Variants in MMP17 observed in about 807,000 individuals in gnomAD.
MMP17 encodes the protein matrix metallopeptidase 17, also known as matrix metalloproteinase-17.
A neutral mutation model predicts 49.1 loss-of-function variants in MMP17; 54 were observed. The observed-to-expected ratio is 1.10, with a 90% CI of 0.88 to 1.38. The LOEUF is 1.38. Among genes scored for constraint, MMP17 ranks in the 40% most tolerant of loss-of-function variants. The pLI, the probability that MMP17 is intolerant of heterozygous loss-of-function variation, is 0.00. For missense variants in MMP17, 837 were observed against 853.7 expected (o/e 0.98, Z 0.24); for synonymous variants, 397 against 383.1 (o/e 1.04, Z -0.42).
At position 131,828,601 on chromosome 12, in the gene MMP17, G is replaced by A. The variant is rs1163300793; in HGVS notation, c.107G>A (p.Gly36Asp). Residue 36 changes from glycine to aspartate, a missense_variant, in exon 1 of 10, where the codon GGC (glycine) becomes GAC (aspartate). Physicochemically the swap from Gly to Asp is moderately conservative, Grantham distance 94. Coordinates refer to ENST00000360564, the MANE Select transcript of MMP17 (RefSeq NM_016155.7). ...CTGCTGGCGCTGGGGACCCGCGGGG[G>A]CTGCGCCGCGCCCGCACCCGCGCCG... The part of the protein sequence containing the change: ...LLLLALGTRG[G>D]CAAPAPAPRA... 2 of 919,942 alleles carry A rather than the reference G, an allele frequency of 2.2e-6. No individual in the cohort carries two copies. Among genetic ancestry groups the A allele is most frequent in the Admixed American group, 5.5e-5 (1 of 18,110 alleles). The allele number at this position is 919,942 out of a possible 1,614,324, so 57.0% of individuals were successfully genotyped here.
In MMP17 at chr12:131,845,376, C is replaced by G. The variant is rs767592241; in HGVS notation, c.1131C>G (p.Gly377=). 1 of 1,597,382 alleles carries G rather than the reference C, an allele frequency of 6.3e-7. No homozygotes were observed. Among genetic ancestry groups the G allele is most frequent in the African/African-American group, 1.3e-5 (1 of 74,938 alleles). ...QPAQMHRFWR[G]LPLHLDSVDA... ...CACAGATGCACCGCTTCTGGCGGGG[C>G]CTGCCGCTGCACCTGGACAGCGTGG... The change falls in exon 8 of 10, where the codon GGC becomes GGG. Residue 377 remains glycine, a synonymous_variant. Transcript: ENST00000360564.
chr12:131,834,454 C>T (rs964875623), intron 1 of MMP17, among the ~76,000 whole-genome samples: 11 of 152,164 alleles, frequency 7.2e-5, no homozygotes, highest in Non-Finnish European at 1.6e-4. Context: ...GGGCAGGTAG[C>T]AGGTTCCCAG....
chr12:131,850,948 CAGG>C lies in MMP17; in HGVS notation c.1489_1491del (p.Glu497del). ...AGGTGCCTCCTACTTCTTCCGTGGC[CAGG>C]AGTACTGGAAAGTGCTGGATGGCGA... is the stretch of plus-strand genomic sequence containing the variant. On this transcript the variant is annotated inframe_deletion, in exon 10 of 10. Transcript: ENST00000360564. The C allele has an allele frequency of 6.7e-7, 1 of 1,497,858 alleles. No individual in the cohort carries two copies. Among genetic ancestry groups the C allele is most frequent in the Non-Finnish European group, 8.9e-7 (1 of 1,123,224 alleles). The allele number at this position is 1,497,858 out of a possible 1,614,324, so 92.8% of individuals were successfully genotyped here. A position where few individuals can be genotyped will look rare whatever the true frequency, so the allele number is the denominator to read the frequency against.
chr12:131,839,215 C>T (rs929839138), intron 3 of MMP17, among the ~76,000 whole-genome samples: 1 of 152,166 alleles, frequency 6.6e-6, no homozygotes, highest in African/African-American at 2.4e-5. Context: ...CCGCGCGCAG[C>T]CTCCTCTCCC....
intron 8 of MMP17, among the ~76,000 whole-genome samples, chr12:131,847,720 G>C (rs769751475): frequency 6.6e-6 from 1 of 152,264 alleles, no homozygotes; most frequent in Non-Finnish European, 1.5e-5. Context: ...GCCCCGAGCC[G>C]CCCTGCCTGG....
intron 1 of MMP17, among the ~76,000 whole-genome samples, chr12:131,837,254 G>A (rs932786660): frequency 1.3e-5 from 2 of 152,218 alleles, no homozygotes; most frequent in African/African-American, 4.8e-5. Flanking sequence ...CAGCGGGGAG[G>A]TGGCTGAGTG....
rs553526789 is a variant in MMP17 at position 131,851,171 on chromosome 12, C to T, written c.1709C>T (p.Pro570Leu). Residue 570 changes from proline to leucine, a missense_variant, in exon 10 of 10, where the codon CCC becomes CTC. Transcript: ENST00000360564. ...TCATGCACCTCTGGGGCATCCTCTC[C>T]CCCGGGGGCCCCAGGCCCACTGGTG... ...VCSCTSGASS[P>L]PGAPGPLVAA... is the part of the protein sequence containing the mutation. 2 of 1,485,688 alleles carry T rather than the reference C, an allele frequency of 1.3e-6. No individual in the cohort carries two copies. The highest frequency in any genetic ancestry group is 1.8e-6 in the Non-Finnish European group (2 of 1,114,672). 92.0% of individuals were successfully genotyped at this position (1,485,688 alleles called of 1,614,324 possible). A position where few individuals can be genotyped will look rare whatever the true frequency, so the allele number is the denominator to read the frequency against.
chr12:131,834,201 A>G (rs1394752520), intron 1 of MMP17, among the ~76,000 whole-genome samples: 1 of 152,182 alleles, frequency 6.6e-6, no homozygotes, highest in Non-Finnish European at 1.5e-5. Context: ...TCTCCTAGGC[A>G]GCTCCAGAAA....
intron 1 of MMP17, among the ~76,000 whole-genome samples, chr12:131,830,437 CG>C (rs1374302113): frequency 6.6e-6 from 1 of 152,250 alleles, no homozygotes; most frequent in East Asian, 1.9e-4. Flanking sequence ...AGCCCCGCTC[CG>C]TGTCGGGCCC....
Position 131,851,463 on chromosome 12 carries a change from C to T in MMP17, c.*189C>T. On this transcript the variant is annotated 3_prime_UTR_variant, in exon 10 of 10. Coordinates refer to ENST00000360564, the MANE Select transcript of MMP17 (RefSeq NM_016155.7). Reference sequence around the variant, plus strand: ...GCTCAGGTGGCAAGGACGGAGCTGTCCCCTAGTGAGGGACTGTGTTGACTG... The same window carrying T: ...GCTCAGGTGGCAAGGACGGAGCTGTTCCCTAGTGAGGGACTGTGTTGACTG... 6.5e-6 allele frequency: 3 copies of T among 459,360 alleles called. No homozygotes were observed. The highest frequency in any genetic ancestry group is 4.3e-5 in the Admixed American group (1 of 23,030). The allele number at this position is 459,360 out of a possible 1,614,324, so 28.5% of individuals were successfully genotyped here.
chr12:131,850,198 G>A (rs573018067), intron 9 of MMP17, 139 bp downstream of exon 9: 32 of 1,207,280 alleles, frequency 2.7e-5, no homozygotes, highest in African/African-American at 6.1e-5. Context: ...CCAGCCCCTC[G>A]CCTGGAGCTG....
At chr12:131,838,394 C>T in intron 2 of MMP17, 67 bp downstream of exon 2, 2 of 1,574,886 alleles carry the variant, frequency 1.3e-6, no homozygotes, top group Non-Finnish European at 1.7e-6. Context: ...CGGCCATGCC[C>T]CCTCTGATCA....
chr12:131,849,644 C>T (rs1189167466), intron 8 of MMP17, among the ~76,000 whole-genome samples, 158 bp from the exon 9 acceptor site: 1 of 152,112 alleles, frequency 6.6e-6, no homozygotes, highest in South Asian at 2.1e-4. Flanking sequence ...CCATGTGGCC[C>T]CTGTGATGTG....
rs754199828 is a variant in MMP17, at chr12:131,845,118, G to A, written c.969G>A (p.Pro323=). Residue 323 remains proline, a splice_region_variant and synonymous_variant, in exon 7 of 10, where the codon CCG becomes CCA. Coordinates refer to ENST00000360564, the MANE Select transcript of MMP17 (RefSeq NM_016155.7). ...PEPPDNRSSA[P]PRKDVPHRCS... ...AGCCCACCTGGCTCTCTCCCTGCAG[G>A]CCCAGGAAGGACGTGCCCCACAGAT... The A allele has an allele frequency of 1.9e-6, 3 of 1,613,858 alleles. No homozygotes were observed. Among genetic ancestry groups the A allele is most frequent in the African/African-American group, 2.7e-5 (2 of 74,932 alleles).
chr12:131,829,948 G>C (rs1886707168), intron 1 of MMP17, among the ~76,000 whole-genome samples: 1 of 152,222 alleles, frequency 6.6e-6, no homozygotes, highest in South Asian at 2.1e-4. Flanking sequence ...AACTTGGGGT[G>C]CCCCCCTCCA....
rs143859629 is a variant in MMP17, at chr12:131,835,218, C to G, written c.160-2977C>G. Among the ~76,000 whole-genome samples the G allele has an allele frequency of 4.1e-3, 625 of 152,360 alleles. 5 individuals are homozygous for G. Among genetic ancestry groups the G allele is most frequent in the African/African-American group, 0.014 (574 of 41,588 alleles). ...CCAGCCCTGCCCCACAGACCCACCA[C>G]CCCCCAAGATTCGATGCCATTCTAT... On this transcript the variant is annotated intron_variant, in intron 1 of 9. Transcript: ENST00000360564.
Position 131,836,092 on chromosome 12 carries a change from G to A in MMP17, c.160-2103G>A, listed in dbSNP as rs867866258. 7.2e-5 allele frequency among the ~76,000 whole-genome samples: 11 copies of A among 152,356 alleles called. No individual in the cohort carries two copies. The South Asian group carries it at 2.3e-3, about 32-fold the overall frequency. On this transcript the variant is annotated intron_variant, in intron 1 of 9. Coordinates refer to ENST00000360564, the MANE Select transcript of MMP17 (RefSeq NM_016155.7). ...AACGTCCACTTTGACGTCCTGTCGTGCCTATAGCTTTGGAGGGGCCCCCAG... is the reference window on the plus strand; with the variant it reads ...AACGTCCACTTTGACGTCCTGTCGTACCTATAGCTTTGGAGGGGCCCCCAG...
At chr12:131,833,592 C>T (rs144455406) in intron 1 of MMP17, among the ~76,000 whole-genome samples, 1 of 152,242 alleles carries the variant, frequency 6.6e-6, no homozygotes, top group African/African-American at 2.4e-5. Flanking sequence ...GACCACACCA[C>T]AGCTCCATCA....
At chr12:131,845,270 G>A (rs758728539) in intron 7 of MMP17, 27 bp from the exon 8 acceptor site, 7 of 1,612,858 alleles carry the variant, frequency 4.3e-6, no homozygotes, top group South Asian at 1.1e-5. Context: ...CGTCTCTGCA[G>A]CCCGGCCCTC....
Sources: gnomAD v4.1 joint callset for allele counts (sites outside exome capture counted in the v4.1 genomes callset) on GRCh38, gnomAD v4.1.1 for gene constraint, MANE v1.5 for transcripts, NCBI Gene and HGNC (gene_info 2026-07-23, HGNC 2026-07-21) for gene names.